The following ARID2 variants were observed in gnomAD, a reference collection of about 807,000 sequenced individuals.
The protein encoded by ARID2 is AT-rich interactive domain-containing protein 2.
In ARID2, 32 loss-of-function variants were observed where a neutral mutation model predicts 184.6. The ratio of observed to expected loss-of-function variants is 0.17; its 90% CI spans 0.13 to 0.23. The LOEUF (loss-of-function observed/expected upper bound fraction) is 0.23, where lower values mean the gene tolerates loss of function less well. ARID2 is among the 10% of genes least tolerant of loss of function. The pLI is 1.00. For synonymous variants in ARID2, 836 were observed against 772.6 expected (o/e 1.08, Z -1.36); for missense variants, 1,696 against 2,197.6 (o/e 0.77, Z 4.56).
Position 45,851,738 on chromosome 12 carries a change from A to G in ARID2, c.3615A>G (p.Gly1205=), listed in dbSNP as rs1264037687. The part of the protein sequence containing the change: ...LIAPAGITMS[G]TQTGVGLPVQ... ...CTCCAGCAGGAATTACCATGAGCGG[A>G]ACGCAGACAGGAGTTGGACTTCCAG... is the stretch of plus-strand genomic sequence containing the variant. Residue 1205 remains glycine (G), a synonymous_variant, in exon 15 of 21, where the codon GGA becomes GGG. Coordinates refer to ENST00000334344, the MANE Select transcript of ARID2 (RefSeq NM_152641.4). 6 of 1,614,164 alleles carry G rather than the reference A, an allele frequency of 3.7e-6. No individual in the cohort carries two copies. Among genetic ancestry groups the G allele is most frequent in the Non-Finnish European group, 5.1e-6 (6 of 1,180,004 alleles).
intron 3 of ARID2, among the ~76,000 whole-genome samples, chr12:45,805,070 C>G (rs917874554): frequency 1.3e-5 from 2 of 151,910 alleles, no homozygotes; most frequent in Non-Finnish European, 2.9e-5. Context: ...GTATTTTTAT[C>G]TATGCTTTCC....
intron 16 of ARID2, among the ~76,000 whole-genome samples, chr12:45,880,626 A>G (rs538103137): frequency 2.6e-5 from 4 of 152,346 alleles, no homozygotes; most frequent in African/African-American, 9.6e-5. Flanking sequence ...CACTCATTTT[A>G]TAATTATGAA....
At chr12:45,786,096 G>T (rs1942192487) in intron 3 of ARID2, among the ~76,000 whole-genome samples, 1 of 152,192 alleles carries the variant, frequency 6.6e-6, no homozygotes, top group Non-Finnish European at 1.5e-5. Flanking sequence ...GGGACTGAAA[G>T]TTACAGTCTT....
intron 16 of ARID2, chr12:45,874,225 G>C (rs1251836203): frequency 6.6e-6 from 1 of 152,318 alleles, no homozygotes; most frequent in South Asian, 2.1e-4. Context: ...ACTAGCCCAA[G>C]TCAGAAATGG....
At chr12:45,731,181 G>C (rs761132880) in intron 2 of ARID2, 36 bp from the exon 3 acceptor site, 1 of 1,443,560 alleles carries the variant, frequency 6.9e-7, no homozygotes, top group South Asian at 1.1e-5. Flanking sequence ...TTCTTAGATT[G>C]TTCACGTTCA....
rs141396339 is a variant in ARID2, at chr12:45,852,519, A to G, written c.4396A>G (p.Ser1466Gly). The G allele has an allele frequency of 2.0e-5, 32 of 1,614,160 alleles. No homozygotes were observed. The highest frequency in any genetic ancestry group is 1.6e-4 in the Middle Eastern group (1 of 6,062). ...LNSDVPQQRP[S>G]VVVSPHSTTS... is the part of the protein sequence containing the mutation. ...TTCAGATGTGCCTCAGCAACGCCCA[A>G]GTGTAGTTGTCTCACCACATTCTAC... Residue 1466 changes from serine to glycine, a missense_variant, in exon 15 of 21, where the codon AGT becomes GGT. Transcript: ENST00000334344.
intron 20 of ARID2, chr12:45,894,005 C>T (rs1380370357): frequency 1.3e-5 from 3 of 225,060 alleles, no homozygotes; most frequent in Non-Finnish European, 2.6e-5. Flanking sequence ...AAAGAGGAAA[C>T]TTAGGAGTTT....
intron 20 of ARID2, among the ~76,000 whole-genome samples, chr12:45,900,878 G>C (rs886170638): frequency 6.6e-6 from 1 of 152,024 alleles, no homozygotes; most frequent in African/African-American, 2.4e-5. Context: ...TGACATTCTG[G>C]TTCCCATTTC....
rs749050032 is a variant in ARID2, at chr12:45,731,260, A to G, written c.230A>G (p.Asn77Ser). 52 of 1,613,958 alleles carry G rather than the reference A, an allele frequency of 3.2e-5. No individual in the cohort carries two copies. Among genetic ancestry groups the G allele is most frequent in the Non-Finnish European group, 4.3e-5 (51 of 1,179,982 alleles). ...TGGGGAGAAATTGTTGAAGAGTTCA[A>G]CTTTCCCAGAAGTTGTTCTAACGCT... ...NQWGEIVEEF[N>S]FPRSCSNAAF... The change falls in exon 3 of 21, where the codon AAC becomes AGC. Residue 77 changes from asparagine to serine, a missense_variant. Asn to Ser is a conservative substitution (Grantham distance 46). Coordinates refer to ENST00000334344, the MANE Select transcript of ARID2 (RefSeq NM_152641.4).
chr12:45,746,080 AATAG>A (rs923265112), intron 3 of ARID2, among the ~76,000 whole-genome samples: 3 of 151,714 alleles, frequency 2.0e-5, no homozygotes, highest in African/African-American at 7.3e-5. Flanking sequence ...AGTATGAAGT[AATAG>A]ATAGATTCTG....
intron 16 of ARID2, among the ~76,000 whole-genome samples, chr12:45,879,751 C>A (rs1168282947): frequency 1.3e-5 from 2 of 152,152 alleles, no homozygotes; most frequent in African/African-American, 4.8e-5. Flanking sequence ...TCATCATTAT[C>A]TTTTATCCTT....
At chr12:45,848,353 G>A (rs1052231376) in intron 12 of ARID2, among the ~76,000 whole-genome samples, 8 of 152,012 alleles carry the variant, frequency 5.3e-5, no homozygotes, top group African/African-American at 1.9e-4. Flanking sequence ...CATTGTTTTA[G>A]GAAGTAGCTG....
chr12:45,746,895 T>C (rs1337883581), intron 3 of ARID2, among the ~76,000 whole-genome samples: 1 of 152,036 alleles, frequency 6.6e-6, no homozygotes, highest in Non-Finnish European at 1.5e-5. Flanking sequence ...GCCTCCCGAG[T>C]AGCTGGGACT....
At chr12:45,842,778 C>T (rs1943375092) in intron 11 of ARID2, among the ~76,000 whole-genome samples, 1 of 151,168 alleles carries the variant, frequency 6.6e-6, no homozygotes, top group South Asian at 2.1e-4. Flanking sequence ...AATTATTAAA[C>T]AAAAATTTAC....
intron 16 of ARID2, among the ~76,000 whole-genome samples, chr12:45,868,564 C>A (rs1012879774): frequency 6.6e-6 from 1 of 152,158 alleles, no homozygotes; most frequent in African/African-American, 2.4e-5. Context: ...CTTAGAAAGA[C>A]CTTTTCAACT....
intron 16 of ARID2, among the ~76,000 whole-genome samples, chr12:45,866,647 C>CAA (rs1191923088): frequency 6.6e-6 from 1 of 152,132 alleles, no homozygotes; most frequent in Non-Finnish European, 1.5e-5. Context: ...CTGATAGCCT[C>CAA]AAAAAGACTG....
intron 11 of ARID2, chr12:45,846,108 T>C (rs1943434721): frequency 6.6e-6 from 1 of 152,160 alleles, no homozygotes; most frequent in African/African-American, 2.4e-5. Flanking sequence ...CTTGAAACTT[T>C]TAGAATATGT....
intron 16 of ARID2, chr12:45,874,068 A>G (rs755664267): frequency 6.6e-6 from 1 of 152,244 alleles, no homozygotes; most frequent in African/African-American, 2.4e-5. Flanking sequence ...ACTCCCAGCT[A>G]TTTGGGAGGT....
rs1191286849 is a variant in ARID2 at position 45,905,056 on chromosome 12, AAGACTC to A, written c.5490_5495del (p.Asp1830_Ser1831del). On this transcript the variant is annotated inframe_deletion, in exon 21 of 21. Transcript: ENST00000334344. ...ACAGTTCAGAGTAAGGAACAAGAAA[AAGACTC>A]AGAAATGCTGCAGTGAAAAATAATT... 6.2e-7 allele frequency: 1 copy of A among 1,613,504 alleles called. No individual in the cohort carries two copies. The highest frequency in any genetic ancestry group is 1.3e-5 in the African/African-American group (1 of 74,892).
Sources: allele counts gnomAD v4.1 joint callset (sites outside exome capture counted in the v4.1 genomes callset), GRCh38; gene constraint gnomAD v4.1.1; transcripts MANE v1.5; gene names NCBI Gene and HGNC (gene_info 2026-07-23, HGNC 2026-07-21).